Variants in TENM2 observed in about 807,000 individuals in gnomAD.
TENM2 encodes the protein teneurin transmembrane protein 2.
Under a neutral mutation model 245.2 loss-of-function variants are expected in TENM2, and 52 were observed. The observed-to-expected ratio is 0.21, with a 90% CI of 0.17 to 0.27. TENM2 has a LOEUF of 0.27. Among genes scored for constraint, TENM2 ranks in the 10% least tolerant of loss-of-function variants. TENM2 has a pLI of 1.00. For missense variants in TENM2, 3,046 were observed against 3,666.8 expected, an observed-to-expected ratio of 0.83 and a Z score of 4.37; for synonymous variants, 1,363 against 1,438.9, an observed-to-expected ratio of 0.95 and a Z score of 1.19.
the TENM2 span, among the ~76,000 whole-genome samples, chr5:167,200,394 T>A: frequency 6.6e-5 from 10 of 152,050 alleles, no homozygotes; most frequent in African/African-American, 2.4e-4. Flanking sequence ...TGCATGACAT[T>A]CTACTTCGTT....
chr5:167,063,690 A>G, the TENM2 span, among the ~76,000 whole-genome samples: 1 of 152,174 alleles, frequency 6.6e-6, no homozygotes, highest in African/African-American at 2.4e-5. Flanking sequence ...CAGGAAAGGT[A>G]TGTTTTGTTG....
chr5:167,568,135 A>G (rs1208962587), intron 2 of TENM2, among the ~76,000 whole-genome samples: 1 of 152,164 alleles, frequency 6.6e-6, no homozygotes, highest in Non-Finnish European at 1.5e-5. Context: ...ATTAATGGGA[A>G]AATTATATGT....
At chr5:167,456,979 C>A (rs796742211) in intron 2 of TENM2, among the ~76,000 whole-genome samples, 5 of 152,312 alleles carry the variant, frequency 3.3e-5, no homozygotes, top group African/African-American at 1.2e-4. Context: ...ATTTCTCAGT[C>A]CACTCTGCTG....
chr5:167,069,288 G>A, the TENM2 span, among the ~76,000 whole-genome samples: 1 of 151,978 alleles, frequency 6.6e-6, no homozygotes, highest in East Asian at 1.9e-4. Context: ...TTCATTTGTG[G>A]CATTTGTGTA....
At chr5:167,904,688 T>C (rs1775955632) in intron 3 of TENM2, among the ~76,000 whole-genome samples, 1 of 152,204 alleles carries the variant, frequency 6.6e-6, no homozygotes, top group South Asian at 2.1e-4. Flanking sequence ...GTCTGTCTTG[T>C]ATTCAGAAAA....
chr5:168,047,571 G>T, intron 6 of TENM2, 22 bp downstream of exon 8: 1 of 1,550,952 alleles, frequency 6.4e-7, no homozygotes, highest in Non-Finnish European at 8.7e-7. Flanking sequence ...GCTGCTGCTT[G>T]CCCTCTTGAG....
At chr5:167,910,623 A>C (rs939918183) in intron 3 of TENM2, among the ~76,000 whole-genome samples, 4 of 152,210 alleles carry the variant, frequency 2.6e-5, no homozygotes, top group Non-Finnish European at 4.4e-5. Context: ...CTTATACCTC[A>C]GTTCTTATTT....
intron 2 of TENM2, among the ~76,000 whole-genome samples, chr5:167,435,144 G>A (rs1239851070): frequency 6.9e-6 from 1 of 145,950 alleles, no homozygotes; most frequent in Non-Finnish European, 1.5e-5. Context: ...CATCTTATCA[G>A]TAGTTTCATG....
At chr5:167,251,448 T>C in the TENM2 span, among the ~76,000 whole-genome samples, 37 of 152,264 alleles carry the variant, frequency 2.4e-4, no homozygotes, top group African/African-American at 8.9e-4. Flanking sequence ...TGCTTTTAGA[T>C]AATATTTTAA....
At chr5:167,639,408 C>T (rs1176162995) in intron 2 of TENM2, among the ~76,000 whole-genome samples, 2 of 152,174 alleles carry the variant, frequency 1.3e-5, no homozygotes, top group African/African-American at 4.8e-5. Flanking sequence ...ATGTCATTCC[C>T]TGCTTAAAGA....
the TENM2 span, among the ~76,000 whole-genome samples, chr5:167,273,279 T>A: frequency 6.6e-6 from 1 of 152,142 alleles, no homozygotes; most frequent in South Asian, 2.1e-4. Context: ...AGCCCCAGCA[T>A]AGCAGTAACG....
chr5:167,004,293 A>C, the TENM2 span, among the ~76,000 whole-genome samples: 13 of 152,330 alleles, frequency 8.5e-5, no homozygotes, highest in East Asian at 2.5e-3. Context: ...AAATTGCACT[A>C]GATCTTAGCA....
At chr5:168,197,766 C>A (rs1450948404) in intron 15 of TENM2, among the ~76,000 whole-genome samples, 1 of 151,762 alleles carries the variant, frequency 6.6e-6, no homozygotes, top group Non-Finnish European at 1.5e-5. Flanking sequence ...ATTAGGACAC[C>A]TCTCTGTTAA....
rs191969332 is a variant in TENM2, at chr5:167,619,462, C to T, written c.502+243989C>T. Among the ~76,000 whole-genome samples the T allele has an allele frequency of 2.6e-5, 4 of 152,178 alleles. No homozygotes were observed. In the East Asian group the frequency reaches 7.8e-4, roughly 30 times the overall value. On this transcript the variant is annotated intron_variant, in intron 2 of 28. Transcript: ENST00000518659. The stretch of plus-strand genomic sequence containing the variant: ...CCTAGAGGAGGGCATTATGGAATTA[C>T]AGGGCACATTAAAGTCATGGTCTCT...
intron 3 of TENM2, among the ~76,000 whole-genome samples, chr5:167,938,948 A>G (rs1425511535): frequency 6.6e-6 from 1 of 152,080 alleles, no homozygotes; most frequent in Non-Finnish European, 1.5e-5. Context: ...GTCTCAAAAA[A>G]AAAAAAAAAA....
the TENM2 span, among the ~76,000 whole-genome samples, chr5:167,259,205 C>G: frequency 6.6e-6 from 1 of 152,062 alleles, no homozygotes; most frequent in Non-Finnish European, 1.5e-5. Context: ...AGGAGTCAAG[C>G]AGGTAATGCG....
Position 168,203,838 on chromosome 5 carries a change from T to TGAAC in TENM2, c.3574+7_3574+10dup. 6.3e-7 allele frequency: 1 copy of TGAAC among 1,598,262 alleles called. No individual in the cohort carries two copies. Among genetic ancestry groups the TGAAC allele is most frequent in the Non-Finnish European group, 8.6e-7 (1 of 1,168,324 alleles). On this transcript the variant is annotated splice_region_variant and intron_variant, in intron 18 of 28. Transcript: ENST00000518659. The stretch of plus-strand genomic sequence containing the variant: ...CATCCTCAATGTTAAAAGTGGTACG[T>TGAAC]GAACACATCTTCTTTCCCAAATACA...
intron 12 of TENM2, among the ~76,000 whole-genome samples, chr5:168,138,749 G>A (rs1322295517): frequency 6.6e-6 from 1 of 152,192 alleles, no homozygotes; most frequent in African/African-American, 2.4e-5. Context: ...ATGGTAACAT[G>A]TCTGGGGTCT....
At chr5:168,138,974 A>T (rs1460938072) in intron 12 of TENM2, among the ~76,000 whole-genome samples, 2 of 152,180 alleles carry the variant, frequency 1.3e-5, no homozygotes, top group Non-Finnish European at 2.9e-5. Context: ...CTTTTTGCCC[A>T]CTTGAGACTT....
Sources: allele counts gnomAD v4.1 joint callset (sites outside exome capture counted in the v4.1 genomes callset), GRCh38; gene constraint gnomAD v4.1.1; transcripts MANE v1.5; gene names NCBI Gene and HGNC (gene_info 2026-07-23, HGNC 2026-07-21).